Variants in SENP1 observed in about 807,000 individuals in gnomAD.
SENP1 encodes sentrin-specific protease 1.
In SENP1, 21 loss-of-function variants were observed where a neutral mutation model predicts 93.0. The observed-to-expected ratio is 0.23, with a 90% confidence interval of 0.16 to 0.33. The LOEUF (loss-of-function observed/expected upper bound fraction) is 0.33, where lower values mean the gene tolerates loss of function less well. Among genes scored for constraint, SENP1 ranks in the 10% least tolerant of loss-of-function variants. SENP1 has a pLI of 1.00. For synonymous variants in SENP1, 256 were observed against 259.6 expected, an observed-to-expected ratio of 0.99 and a Z score of 0.13; for missense variants, 591 against 758.7, an observed-to-expected ratio of 0.78 and a Z score of 2.60.
At position 48,048,037 on chromosome 12, in the gene SENP1, A is replaced by G. The variant is rs1367685999; in HGVS notation, c.1655T>C (p.Met552Thr). 3.7e-6 allele frequency: 6 copies of G among 1,607,882 alleles called. No individual in the cohort carries two copies. The highest frequency in any genetic ancestry group is 5.1e-6 in the Non-Finnish European group (6 of 1,174,650). The change falls in exon 15 of 18, where the codon ATG (methionine) becomes ACG (threonine). Residue 552 changes from methionine to threonine, a missense_variant. Physicochemically the swap from Met to Thr is moderately conservative, Grantham distance 81. This residue lies in a region of SENP1 where 132 missense variants were observed against 230.1 expected (regional missense o/e 0.57). Coordinates refer to ENST00000549518, the MANE Select transcript of SENP1 (RefSeq NM_001267594.2). Reference sequence around the variant, plus strand: ...GCAGGCTTCATTGTTTATCCCACCCATGGAGTCGTAATAGGTAATATTCTT... The same window carrying G: ...GCAGGCTTCATTGTTTATCCCACCCGTGGAGTCGTAATAGGTAATATTCTT... ...RKKNITYYDS[M>T]GGINNEACRI...
At chr12:48,059,324 T>C (rs897494966) in intron 13 of SENP1, among the ~76,000 whole-genome samples, 1 of 152,156 alleles carries the variant, frequency 6.6e-6, no homozygotes. Flanking sequence ...ATATTCAAGT[T>C]TCTATTGCTA....
chr12:48,070,070 A>G (rs1943578379), intron 9 of SENP1, among the ~76,000 whole-genome samples: 1 of 152,206 alleles, frequency 6.6e-6, no homozygotes, highest in African/African-American at 2.4e-5. Flanking sequence ...AGTATTTGAT[A>G]CCTCCAGATA....
intron 13 of SENP1, among the ~76,000 whole-genome samples, chr12:48,051,024 A>C (rs1394758118): frequency 1.3e-5 from 2 of 152,036 alleles, no homozygotes; most frequent in Non-Finnish European, 2.9e-5. Flanking sequence ...ACAGCCATGG[A>C]AATACATCTC....
At chr12:48,084,773 T>C (rs1283829299) in intron 5 of SENP1, among the ~76,000 whole-genome samples, 1 of 152,176 alleles carries the variant, frequency 6.6e-6, no homozygotes, top group Non-Finnish European at 1.5e-5. Context: ...CTATGTGCTC[T>C]TTCTCATTTA....
chr12:48,045,472 T>C, intron 17 of SENP1, 88 bp from the exon 18 acceptor site: 1 of 1,074,596 alleles, frequency 9.3e-7, no homozygotes, highest in East Asian at 2.4e-5. Flanking sequence ...TTTGCAAGGT[T>C]TTCAACAAAC....
At chr12:48,092,522 C>A (rs1380135010) in intron 4 of SENP1, among the ~76,000 whole-genome samples, 1 of 152,078 alleles carries the variant, frequency 6.6e-6, no homozygotes, top group Non-Finnish European at 1.5e-5. Context: ...CTGTGACATG[C>A]CATAAGCTTG....
intron 1 of SENP1, among the ~76,000 whole-genome samples, chr12:48,104,167 A>T (rs1342149007): frequency 6.7e-6 from 1 of 150,226 alleles, no homozygotes; most frequent in Non-Finnish European, 1.5e-5. Context: ...GACAAGACCA[A>T]GCCATTGCAC....
chr12:48,088,737 C>A, intron 5 of SENP1, 64 bp downstream of exon 5: 7 of 1,457,808 alleles, frequency 4.8e-6, no homozygotes, highest in Non-Finnish European at 6.6e-6. Context: ...TAACTATCTA[C>A]CTTTTAGTCA....
intron 4 of SENP1, chr12:48,089,197 G>A: frequency 6.7e-7 from 1 of 1,502,340 alleles, no homozygotes; most frequent in Non-Finnish European, 8.9e-7. Flanking sequence ...TCCTGCCACA[G>A]CCATGTGCCT....
chr12:48,047,098 G>A, intron 15 of SENP1, 36 bp from the exon 16 acceptor site: 1 of 1,354,360 alleles, frequency 7.4e-7, no homozygotes, highest in Non-Finnish European at 1.1e-6. Context: ...TAAGCAGTGG[G>A]GAACATCGAT....
chr12:48,052,473 AT>A (rs1941891880), intron 13 of SENP1, among the ~76,000 whole-genome samples: 2 of 152,086 alleles, frequency 1.3e-5, no homozygotes, highest in African/African-American at 4.8e-5. Flanking sequence ...ACCTCTCTAG[AT>A]TTTCACCTTG....
intron 13 of SENP1, among the ~76,000 whole-genome samples, chr12:48,055,935 T>C (rs1223185444): frequency 7.3e-6 from 1 of 137,350 alleles, no homozygotes; most frequent in Non-Finnish European, 1.5e-5. Flanking sequence ...TTACTATATA[T>C]AACATATATT....
chr12:48,045,315 A>G lies in SENP1; in HGVS notation c.*7T>C. 1 of 1,612,718 alleles carries G rather than the reference A, an allele frequency of 6.2e-7. No homozygotes were observed. Among genetic ancestry groups the G allele is most frequent in the Non-Finnish European group, 8.5e-7 (1 of 1,178,922 alleles). On this transcript the variant is annotated 3_prime_UTR_variant, in exon 18 of 18. Transcript: ENST00000549518. ...ACATGGTCAAGGTCTGCTAAGTGAG[A>G]CAGTCTTCACAAGAGTTTTCGGTGG... is the stretch of plus-strand genomic sequence containing the variant.
At chr12:48,062,435 GCCTTCCTTA>G (rs1420459555) in intron 13 of SENP1, among the ~76,000 whole-genome samples, 2 of 152,150 alleles carry the variant, frequency 1.3e-5, no homozygotes, top group African/African-American at 4.8e-5. Context: ...AACAAACCAT[GCCTTCCTTA>G]TTATTCTTGG....
chr12:48,086,765 T>C (rs1006376271), intron 5 of SENP1, among the ~76,000 whole-genome samples: 2 of 152,112 alleles, frequency 1.3e-5, no homozygotes, highest in Non-Finnish European at 2.9e-5. Flanking sequence ...AGGCTGGGCA[T>C]GGTGGCTCAT....
At chr12:48,059,442 G>C (rs953471798) in intron 13 of SENP1, among the ~76,000 whole-genome samples, 1 of 152,022 alleles carries the variant, frequency 6.6e-6, no homozygotes, top group Non-Finnish European at 1.5e-5. Flanking sequence ...GGTCGGTCTT[G>C]TTTAAAAAAT....
chr12:48,075,673 T>C (rs967015719), intron 6 of SENP1, among the ~76,000 whole-genome samples: 1 of 152,196 alleles, frequency 6.6e-6, no homozygotes, highest in Non-Finnish European at 1.5e-5. Flanking sequence ...ACACCTACTA[T>C]GCTCCAGTCA....
intron 4 of SENP1, among the ~76,000 whole-genome samples, chr12:48,093,719 TAAA>T (rs60808565): frequency 5.9e-5 from 8 of 135,842 alleles, no homozygotes; most frequent in Non-Finnish European, 4.9e-5. Context: ...CAGAAAATGA[TAAA>T]AAAAAAAAAA....
Position 48,044,361 on chromosome 12 carries a change from T to C in SENP1, c.*961A>G, listed in dbSNP as rs11168372. On this transcript the variant is annotated 3_prime_UTR_variant, in exon 18 of 18. Transcript: ENST00000549518. ...CCCTGTGAAATTTTATACATACATA[T>C]ATATATATATATATGTATGTGTATA... The C allele has an allele frequency of 1.7e-4, 23 of 133,440 alleles. No individual in the cohort carries two copies. Among genetic ancestry groups the C allele is most frequent in the African/African-American group, 2.8e-4 (10 of 36,326 alleles). 8.3% of individuals were successfully genotyped at this position (133,440 alleles called of 1,614,324 possible).
Sources: allele counts gnomAD v4.1 joint callset (sites outside exome capture counted in the v4.1 genomes callset), GRCh38; gene constraint gnomAD v4.1.1; regional missense constraint gnomAD v4.1.1; transcripts MANE v1.5; gene names NCBI Gene and HGNC (gene_info 2026-07-23, HGNC 2026-07-21).